Variants in CEP112 observed in about 807,000 individuals in gnomAD.
CEP112 encodes centrosomal protein of 112 kDa.
Under a neutral mutation model 153.0 loss-of-function variants are expected in CEP112, and 127 were observed. The ratio of observed to expected loss-of-function variants is 0.83; its 90% CI spans 0.72 to 0.96. The LOEUF (loss-of-function observed/expected upper bound fraction) is 0.96. CEP112 is among the 40% of genes least tolerant of loss of function. CEP112 has a pLI of 0.00. For missense variants in CEP112, 1,089 were observed against 1,101.2 expected, an observed-to-expected ratio of 0.99 and a Z score of 0.16; for synonymous variants, 358 against 374.4, an observed-to-expected ratio of 0.96 and a Z score of 0.51.
At chr17:65,671,726 C>T (rs1301090117) in intron 24 of CEP112, among the ~76,000 whole-genome samples, 1 of 152,112 alleles carries the variant, frequency 6.6e-6, no homozygotes, top group African/African-American at 2.4e-5. Flanking sequence ...AATACATTCA[C>T]TGCCCTCAGA....
At chr17:65,790,470 T>C (rs1012949730) in intron 21 of CEP112, among the ~76,000 whole-genome samples, 3 of 152,066 alleles carry the variant, frequency 2.0e-5, no homozygotes, top group African/African-American at 7.2e-5. Flanking sequence ...CAAGCTGCAT[T>C]TCTATACTCT....
intron 21 of CEP112, among the ~76,000 whole-genome samples, chr17:65,756,068 G>A (rs993149302): frequency 1.3e-5 from 2 of 152,092 alleles, no homozygotes; most frequent in Non-Finnish European, 2.9e-5. Context: ...ATGTTAGGAG[G>A]CTGGGACATG....
intron 19 of CEP112, among the ~76,000 whole-genome samples, chr17:65,923,810 C>T (rs2060819065): frequency 6.6e-6 from 1 of 152,080 alleles, no homozygotes; most frequent in African/African-American, 2.4e-5. Context: ...CTTTGAGACA[C>T]ATATGTTTTA....
chr17:66,131,032 T>C (rs1237464105), intron 5 of CEP112, among the ~76,000 whole-genome samples: 1 of 152,176 alleles, frequency 6.6e-6, no homozygotes, highest in Non-Finnish European at 1.5e-5. Flanking sequence ...ATTTTAAAAT[T>C]AGATTTGTTG....
intron 24 of CEP112, among the ~76,000 whole-genome samples, chr17:65,666,104 A>C (rs912509205): frequency 5.3e-5 from 8 of 151,574 alleles, no homozygotes; most frequent in African/African-American, 1.9e-4. Context: ...TTAACCTACA[A>C]TTTATACACA....
intron 8 of CEP112, among the ~76,000 whole-genome samples, chr17:66,093,216 C>T (rs2068211520): frequency 6.6e-6 from 1 of 152,064 alleles, no homozygotes; most frequent in Admixed American, 6.6e-5. Flanking sequence ...GTGGCAAATG[C>T]CTGTAATGCC....
At chr17:65,730,735 G>T (rs1269750307) in intron 23 of CEP112, among the ~76,000 whole-genome samples, 1 of 151,702 alleles carries the variant, frequency 6.6e-6, no homozygotes, top group East Asian at 1.9e-4. Flanking sequence ...AGTAAGAATT[G>T]CCCAATCTTA....
intron 4 of CEP112, among the ~76,000 whole-genome samples, chr17:66,170,742 GAC>G (rs542525324): frequency 9.6e-4 from 146 of 151,586 alleles, no homozygotes; most frequent in Non-Finnish European, 1.9e-3. Flanking sequence ...TAGCCTGGGT[GAC>G]AGAGTAAGAC....
At chr17:65,748,807 T>C (rs1272926835) in intron 22 of CEP112, among the ~76,000 whole-genome samples, 1 of 152,210 alleles carries the variant, frequency 6.6e-6, no homozygotes, top group African/African-American at 2.4e-5. Flanking sequence ...TTAACTTACA[T>C]TTAATTTGTT....
intron 21 of CEP112, among the ~76,000 whole-genome samples, chr17:65,807,598 T>C (rs1416732832): frequency 1.3e-5 from 2 of 152,302 alleles, no homozygotes; most frequent in Middle Eastern, 3.4e-3. Context: ...CCTGGGGACA[T>C]GGCACCCTGT....
At chr17:65,662,672 T>G (rs149924484) in intron 24 of CEP112, among the ~76,000 whole-genome samples, 5 of 152,200 alleles carry the variant, frequency 3.3e-5, no homozygotes, top group Non-Finnish European at 7.3e-5. Context: ...GTATCCTCAT[T>G]GGGCCAGCTT....
chr17:65,958,372 CATTAT>C (rs1352241839), intron 18 of CEP112, among the ~76,000 whole-genome samples: 1 of 152,182 alleles, frequency 6.6e-6, no homozygotes, highest in Admixed American at 6.5e-5. Context: ...ACACGCATTA[CATTAT>C]ATGTAACATG....
At chr17:65,930,635 GAA>G (rs1475209848) in intron 18 of CEP112, among the ~76,000 whole-genome samples, 2 of 152,210 alleles carry the variant, frequency 1.3e-5, no homozygotes, top group African/African-American at 2.4e-5. Flanking sequence ...ATGATTAAAG[GAA>G]GCACAGTCAA....
At chr17:65,820,556 A>G (rs903361481) in intron 21 of CEP112, among the ~76,000 whole-genome samples, 5 of 152,162 alleles carry the variant, frequency 3.3e-5, no homozygotes, top group Admixed American at 3.3e-4. Flanking sequence ...GTAAGTTCAC[A>G]TCATCCATTT....
intron 18 of CEP112, among the ~76,000 whole-genome samples, chr17:65,960,011 G>A (rs1305661263): frequency 1.3e-5 from 2 of 152,128 alleles, no homozygotes; most frequent in African/African-American, 2.4e-5. Flanking sequence ...TAGGGATCCC[G>A]TAACACAGGG....
intron 21 of CEP112, among the ~76,000 whole-genome samples, chr17:65,821,770 T>G (rs1436645384): frequency 3.3e-5 from 5 of 151,120 alleles, no homozygotes; most frequent in African/African-American, 1.2e-4. Flanking sequence ...CAGGCTGTTC[T>G]CGAACTCCTG....
chr17:66,094,469 T>C (rs2068261176), intron 8 of CEP112, among the ~76,000 whole-genome samples: 1 of 152,106 alleles, frequency 6.6e-6, no homozygotes, highest in Non-Finnish European at 1.5e-5. Flanking sequence ...AGAATGAAAT[T>C]AGACCCTTAT....
At chr17:65,744,378 T>C (rs545321029) in intron 22 of CEP112, among the ~76,000 whole-genome samples, 8 of 152,162 alleles carry the variant, frequency 5.3e-5, no homozygotes, top group Non-Finnish European at 1.2e-4. Context: ...CTCAGCCTCC[T>C]GAGTAGCTGG....
intron 16 of CEP112, among the ~76,000 whole-genome samples, chr17:66,006,046 A>T (rs1185166119): frequency 1.3e-5 from 2 of 152,188 alleles, no homozygotes; most frequent in Non-Finnish European, 2.9e-5. Context: ...AATACTTCAG[A>T]TTTTTTAAAT....
Sources: gnomAD v4.1 joint callset for allele counts (sites outside exome capture counted in the v4.1 genomes callset) on GRCh38, gnomAD v4.1.1 for gene constraint, MANE v1.5 for transcripts, NCBI Gene and HGNC (gene_info 2026-07-23, HGNC 2026-07-21) for gene names.